The following CLOCK variants were observed in gnomAD, a reference collection of about 807,000 sequenced individuals.
The protein encoded by CLOCK is clock circadian regulator, also known as circadian locomoter output cycles protein kaput.
A neutral mutation model predicts 118.4 loss-of-function variants in CLOCK; 43 were observed. That is an observed-to-expected ratio of 0.36 (90% CI 0.28 to 0.47). CLOCK has a LOEUF of 0.47. Ranked by LOEUF, CLOCK falls within the 20% of genes least tolerant of loss-of-function variation. The probability of loss-of-function intolerance (pLI) is 1.00; values close to 1 mark genes in which losing one functional copy is unlikely to be tolerated. For missense variants in CLOCK, 846 were observed against 999.9 expected (o/e 0.85, Z 2.08); for synonymous variants, 326 against 339.2 (o/e 0.96, Z 0.43).
chr4:55,447,997 C>T (rs1478666616), intron 18 of CLOCK, among the ~76,000 whole-genome samples: 1 of 151,966 alleles, frequency 6.6e-6, no homozygotes, highest in African/African-American at 2.4e-5. Context: ...ATTACTCCCC[C>T]TTTTTTTTGG....
rs972891538 is a variant in CLOCK, at chr4:55,443,977, C to T, written c.1693-81G>A. On this transcript the variant is annotated intron_variant, in intron 19 of 22. Coordinates refer to ENST00000513440, the MANE Select transcript of CLOCK (RefSeq NM_004898.4). ...GCATTAAAAAGAAGGCAAAATCAAG[C>T]TACAAAGTATGTTTAAAAAGCAAGT... The T allele has an allele frequency of 8.6e-6, 11 of 1,280,004 alleles. 1 individual carries two copies. The Admixed American group carries it at 2.2e-4, about 26-fold the overall frequency. 79.3% of individuals were successfully genotyped at this position (1,280,004 alleles called of 1,614,324 possible).
At chr4:55,511,041 G>T (rs1159458341) in intron 1 of CLOCK, among the ~76,000 whole-genome samples, 5 of 152,114 alleles carry the variant, frequency 3.3e-5, no homozygotes, top group African/African-American at 1.2e-4. Context: ...GGGGACCTTT[G>T]CAAGAGCCCA....
intron 8 of CLOCK, among the ~76,000 whole-genome samples, chr4:55,467,551 A>G (rs1456446237): frequency 6.6e-6 from 1 of 152,252 alleles, no homozygotes; most frequent in East Asian, 1.9e-4. Flanking sequence ...ATTGCAAATG[A>G]TGCTCTATGA....
At chr4:55,521,013 C>T (rs1192371827) in intron 1 of CLOCK, among the ~76,000 whole-genome samples, 1 of 152,208 alleles carries the variant, frequency 6.6e-6, no homozygotes, top group African/African-American at 2.4e-5. Flanking sequence ...CTATTCCCTA[C>T]ATACATCAAA....
chr4:55,534,047 G>A (rs951408306), intron 1 of CLOCK, among the ~76,000 whole-genome samples: 1 of 152,148 alleles, frequency 6.6e-6, no homozygotes, highest in Admixed American at 6.5e-5. Context: ...AAACATTAAT[G>A]TATAAAGAAC....
At chr4:55,488,986 G>A (rs957891160) in intron 3 of CLOCK, among the ~76,000 whole-genome samples, 6 of 152,120 alleles carry the variant, frequency 3.9e-5, no homozygotes, top group Non-Finnish European at 8.8e-5. Context: ...TCCCACCTCA[G>A]CCTCCCAAAC....
intron 8 of CLOCK, among the ~76,000 whole-genome samples, chr4:55,467,959 T>G (rs1461151868): frequency 6.6e-6 from 1 of 152,230 alleles, no homozygotes; most frequent in East Asian, 1.9e-4. Flanking sequence ...CTTTAAAAAA[T>G]GCCCCCTTGA....
At chr4:55,539,931 C>T (rs1731153004) in intron 1 of CLOCK, among the ~76,000 whole-genome samples, 1 of 150,770 alleles carries the variant, frequency 6.6e-6, no homozygotes, top group Non-Finnish European at 1.5e-5. Flanking sequence ...AATGGCTCAA[C>T]AAAATGCAGG....
rs1291758667 is a variant in CLOCK at position 55,482,802 on chromosome 4, G to A, written c.-17C>T. 5.0e-6 allele frequency: 8 copies of A among 1,599,440 alleles called. No homozygotes were observed. The highest frequency in any genetic ancestry group is 6.0e-6 in the Non-Finnish European group (7 of 1,169,544). ...AAACAACATAACATACTACGTTTTCGTCTTGTAGTAGACATTTGTACTTCT... is the reference window on the plus strand; with the variant it reads ...AAACAACATAACATACTACGTTTTCATCTTGTAGTAGACATTTGTACTTCT... On this transcript the variant is annotated 5_prime_UTR_variant, in exon 4 of 23. In the 5' UTR this introduces an upstream ATG that the reference lacks. Coordinates refer to ENST00000513440, the MANE Select transcript of CLOCK (RefSeq NM_004898.4).
chr4:55,540,047 G>A (rs549133195), intron 1 of CLOCK, among the ~76,000 whole-genome samples: 26 of 145,602 alleles, frequency 1.8e-4, no homozygotes, highest in South Asian at 1.3e-3. Flanking sequence ...TTGATCTGTC[G>A]CACAGGCTGG....
At chr4:55,437,900 T>C (rs761987390) in intron 22 of CLOCK, among the ~76,000 whole-genome samples, 4 of 152,230 alleles carry the variant, frequency 2.6e-5, no homozygotes, top group Non-Finnish European at 4.4e-5. Flanking sequence ...GTAACACCTA[T>C]ACTAGTAAAA....
intron 1 of CLOCK, among the ~76,000 whole-genome samples, chr4:55,534,099 A>T (rs1730727211): frequency 6.6e-6 from 1 of 152,216 alleles, no homozygotes; most frequent in Non-Finnish European, 1.5e-5. Context: ...TTGCCATTTA[A>T]TCTAGCTTGT....
intron 1 of CLOCK, among the ~76,000 whole-genome samples, chr4:55,513,291 G>C (rs1417581528): frequency 6.6e-6 from 1 of 152,110 alleles, no homozygotes; most frequent in Non-Finnish European, 1.5e-5. Flanking sequence ...ATGCTGTACA[G>C]TCTAGTAACA....
intron 2 of CLOCK, among the ~76,000 whole-genome samples, chr4:55,509,697 T>C (rs745497527): frequency 6.6e-6 from 1 of 152,246 alleles, no homozygotes; most frequent in African/African-American, 2.4e-5. Context: ...CAGGAATTGC[T>C]AAAATACTTT....
rs1226241984 is a variant in CLOCK, at chr4:55,435,187, CTG to C, written c.*226_*227del. 3 of 556,324 alleles carry C rather than the reference CTG, an allele frequency of 5.4e-6. No individual in the cohort carries two copies. In the African/African-American group the frequency reaches 5.7e-5, roughly 11 times the overall value. The allele number at this position is 556,324 out of a possible 1,614,324, so 34.5% of individuals were successfully genotyped here. On this transcript the variant is annotated 3_prime_UTR_variant, in exon 23 of 23. Coordinates refer to ENST00000513440, the MANE Select transcript of CLOCK (RefSeq NM_004898.4). ...AAAAAATATCCAGGCACCTAAAACACTGTCAGAACTGGCTATGCCCCTATGAT... is the reference window on the plus strand; with the variant it reads ...AAAAAATATCCAGGCACCTAAAACACTCAGAACTGGCTATGCCCCTATGAT...
chr4:55,532,480 T>C (rs929736451), intron 1 of CLOCK, among the ~76,000 whole-genome samples: 7 of 151,576 alleles, frequency 4.6e-5, no homozygotes, highest in African/African-American at 1.2e-4. Flanking sequence ...GGATCCGAAA[T>C]CAACACACAA....
chr4:55,541,777 A>T (rs897512013), intron 1 of CLOCK, among the ~76,000 whole-genome samples: 2 of 152,150 alleles, frequency 1.3e-5, no homozygotes, highest in African/African-American at 4.8e-5. Context: ...GGTTCTTTCC[A>T]GCGGGAAAGC....
intron 2 of CLOCK, among the ~76,000 whole-genome samples, chr4:55,507,779 C>T (rs1300746827): frequency 6.6e-6 from 1 of 152,118 alleles, no homozygotes; most frequent in Non-Finnish European, 1.5e-5. Flanking sequence ...GGAACTGGCA[C>T]ATACCTTGTT....
intron 1 of CLOCK, among the ~76,000 whole-genome samples, chr4:55,511,286 A>AG (rs146164463): frequency 5.6e-5 from 7 of 124,892 alleles, no homozygotes; most frequent in Non-Finnish European, 1.3e-4. Context: ...TATCCTATCT[A>AG]TCTAATTTTA....
Sources: allele counts gnomAD v4.1 joint callset (sites outside exome capture counted in the v4.1 genomes callset), GRCh38; gene constraint gnomAD v4.1.1; transcripts MANE v1.5; gene names NCBI Gene and HGNC (gene_info 2026-07-23, HGNC 2026-07-21).